Variants in CNTNAP2 observed in about 807,000 individuals in gnomAD.
The protein encoded by CNTNAP2 is contactin associated protein 2, also known as contactin-associated protein-like 2.
A neutral mutation model predicts 155.2 loss-of-function variants in CNTNAP2; 98 were observed. That is an observed-to-expected ratio of 0.63 (90% CI 0.54 to 0.75). CNTNAP2 has a LOEUF of 0.75. Among genes scored for constraint, CNTNAP2 ranks in the 30% least tolerant of loss-of-function variants. The probability of loss-of-function intolerance (pLI) is 0.00; values close to 1 mark genes in which losing one functional copy is unlikely to be tolerated. For missense variants in CNTNAP2, 1,727 were observed against 1,688.1 expected (o/e 1.02, Z -0.40); for synonymous variants, 651 against 631.2 (o/e 1.03, Z -0.47).
At chr7:146,906,799 G>A (rs1562995713) in intron 3 of CNTNAP2, among the ~76,000 whole-genome samples, 1 of 151,954 alleles carries the variant, frequency 6.6e-6, no homozygotes, top group Non-Finnish European at 1.5e-5. Context: ...AAAGCTGGAT[G>A]GAGAATGACT....
chr7:147,923,103 A>T (rs762374282), intron 14 of CNTNAP2, among the ~76,000 whole-genome samples: 1 of 147,112 alleles, frequency 6.8e-6, no homozygotes, highest in Non-Finnish European at 1.5e-5. Context: ...GAAGGAAGGG[A>T]GGGGAGGGAA....
At chr7:147,476,296 G>A (rs1335758469) in intron 10 of CNTNAP2, among the ~76,000 whole-genome samples, 3 of 151,738 alleles carry the variant, frequency 2.0e-5, no homozygotes, top group African/African-American at 4.8e-5. Flanking sequence ...TAGTAGAGAT[G>A]GGGTTTCACC....
chr7:147,671,799 G>A (rs1448255146), intron 13 of CNTNAP2: 1 of 152,180 alleles, frequency 6.6e-6, no homozygotes, highest in Non-Finnish European at 1.5e-5. Flanking sequence ...ATTCAAATGG[G>A]ATGGCCCCAA....
chr7:146,117,067 C>T, intron 1 of CNTNAP2, 94 bp downstream of exon 1: 1 of 1,045,066 alleles, frequency 9.6e-7, no homozygotes, highest in South Asian at 1.4e-5. Context: ...CATCGCAGTG[C>T]TGGCACCCTG....
At chr7:148,061,866 T>A (rs984704090) in intron 15 of CNTNAP2, among the ~76,000 whole-genome samples, 7 of 146,938 alleles carry the variant, frequency 4.8e-5, no homozygotes, top group African/African-American at 1.8e-4. Context: ...TATAGATAGA[T>A]AGATAAACAG....
At chr7:146,715,024 T>C (rs1319854533) in intron 1 of CNTNAP2, among the ~76,000 whole-genome samples, 1 of 152,104 alleles carries the variant, frequency 6.6e-6, no homozygotes, top group Non-Finnish European at 1.5e-5. Flanking sequence ...AGTACAAGTA[T>C]TTTTATACTC....
chr7:147,965,807 T>G (rs1004691931), intron 14 of CNTNAP2, among the ~76,000 whole-genome samples: 12 of 152,146 alleles, frequency 7.9e-5, no homozygotes, highest in African/African-American at 2.9e-4. Context: ...CTGAGAGATA[T>G]TTTGAAGTTC....
Position 147,234,822 on chromosome 7 carries a change from G to T in CNTNAP2, c.1349-65319G>T, listed in dbSNP as rs73457383. Among the ~76,000 whole-genome samples the T allele has an allele frequency of 3.9e-3, 588 of 152,242 alleles. 4 individuals are homozygous for T. The highest frequency in any genetic ancestry group is 0.014 in the African/African-American group (569 of 41,532). ...TTCATTTGGGTTTCTCTCATGGTTA[G>T]TTTCAAGTTTTGCATCTTTGGCAGG... On this transcript the variant is annotated intron_variant, in intron 8 of 23. Coordinates refer to ENST00000361727, the MANE Select transcript of CNTNAP2 (RefSeq NM_014141.6).
intron 1 of CNTNAP2, among the ~76,000 whole-genome samples, chr7:146,396,858 G>T (rs553699192): frequency 1.0e-3 from 156 of 152,054 alleles, no homozygotes; most frequent in Non-Finnish European, 1.7e-3. Flanking sequence ...TGCTTAGAGA[G>T]ATAACAATAA....
chr7:147,822,830 T>A (rs897627626), intron 13 of CNTNAP2, among the ~76,000 whole-genome samples: 1 of 152,170 alleles, frequency 6.6e-6, no homozygotes, highest in Non-Finnish European at 1.5e-5. Context: ...AGGTGTGAGC[T>A]TTTTGCCTTT....
intron 1 of CNTNAP2, among the ~76,000 whole-genome samples, chr7:146,557,028 G>A (rs879534975): frequency 2.0e-5 from 3 of 152,048 alleles, no homozygotes; most frequent in Admixed American, 6.5e-5. Context: ...AGGCATATAA[G>A]CATCACCTTA....
chr7:146,797,562 T>C (rs1802793584), intron 2 of CNTNAP2, among the ~76,000 whole-genome samples: 1 of 152,148 alleles, frequency 6.6e-6, no homozygotes, highest in Admixed American at 6.5e-5. Context: ...CTGTTTCAAG[T>C]GAAAAATGTT....
At chr7:147,927,608 A>G (rs1050340524) in intron 14 of CNTNAP2, among the ~76,000 whole-genome samples, 6 of 152,198 alleles carry the variant, frequency 3.9e-5, no homozygotes, top group African/African-American at 1.4e-4. Flanking sequence ...AATTTCTAAA[A>G]CCAAGTTGTT....
At chr7:147,018,747 A>G (rs1326357169) in intron 3 of CNTNAP2, among the ~76,000 whole-genome samples, 1 of 152,074 alleles carries the variant, frequency 6.6e-6, no homozygotes, top group East Asian at 1.9e-4. Context: ...ATAACCAGGC[A>G]CTAAGGAGAT....
At chr7:147,017,806 C>T (rs1798750647) in intron 3 of CNTNAP2, among the ~76,000 whole-genome samples, 1 of 151,948 alleles carries the variant, frequency 6.6e-6, no homozygotes, top group African/African-American at 2.4e-5. Context: ...CAGAATACTA[C>T]AGCTGGTTTA....
intron 16 of CNTNAP2, among the ~76,000 whole-genome samples, chr7:148,136,013 A>AGGG (rs1804936489): frequency 2.7e-5 from 1 of 36,962 alleles, no homozygotes; most frequent in Admixed American, 3.2e-4. Flanking sequence ...GGAAGGAAGG[A>AGGG]AGGAAGGGAG....
intron 15 of CNTNAP2, among the ~76,000 whole-genome samples, chr7:148,099,664 G>A (rs1804053875): frequency 2.0e-5 from 3 of 151,910 alleles, no homozygotes. Context: ...CAAAATCACA[G>A]TCCAATAAAC....
At chr7:146,929,704 A>G (rs1219690118) in intron 3 of CNTNAP2, among the ~76,000 whole-genome samples, 2 of 152,132 alleles carry the variant, frequency 1.3e-5, no homozygotes, top group African/African-American at 2.4e-5. Context: ...AAATTTAGAC[A>G]AAAGTATAAC....
chr7:147,900,600 T>A (rs767032578), intron 13 of CNTNAP2, among the ~76,000 whole-genome samples: 7 of 151,986 alleles, frequency 4.6e-5, no homozygotes, highest in Non-Finnish European at 7.4e-5. Context: ...TGGGTTTTGG[T>A]GGGTTTTTTG....
Sources: gnomAD v4.1 joint callset for allele counts (sites outside exome capture counted in the v4.1 genomes callset) on GRCh38, gnomAD v4.1.1 for gene constraint, MANE v1.5 for transcripts, NCBI Gene and HGNC (gene_info 2026-07-23, HGNC 2026-07-21) for gene names.